Variants in SLC25A48 observed in about 807,000 individuals in gnomAD.
SLC25A48 encodes the protein solute carrier family 25 member 48, also known as CTC-321K16.1.
In SLC25A48, 29 loss-of-function variants were observed where a neutral mutation model predicts 32.2. The observed-to-expected ratio is 0.90, with a 90% CI of 0.67 to 1.23. The LOEUF is 1.23. SLC25A48 is among the 50% of genes most tolerant of loss of function. The probability of loss-of-function intolerance (pLI) is 0.00; values close to 1 mark genes in which losing one functional copy is unlikely to be tolerated. For missense variants in SLC25A48, 399 were observed against 422.7 expected, an observed-to-expected ratio of 0.94 and a Z score of 0.49; for synonymous variants, 164 against 172.3, an observed-to-expected ratio of 0.95 and a Z score of 0.38.
At chr5:135,673,847 T>A (rs115191716) in intron 3 of SLC25A48, among the ~76,000 whole-genome samples, 3,803 of 152,078 alleles carry the variant, frequency 0.025, 168 homozygotes, top group African/African-American at 0.084. Flanking sequence ...TCTTCTTACA[T>A]TTGGGTCTAT....
rs1349118719 is a variant in SLC25A48 at position 135,888,232 on chromosome 5, G to A, written c.*208G>A. The A allele has an allele frequency of 4.6e-6, 3 of 650,514 alleles. No individual in the cohort carries two copies. Among genetic ancestry groups the A allele is most frequent in the Non-Finnish European group, 5.2e-6 (2 of 384,420 alleles). 40.3% of individuals were successfully genotyped at this position (650,514 alleles called of 1,614,324 possible). On this transcript the variant is annotated 3_prime_UTR_variant, in exon 8 of 8. Transcript: ENST00000681962. ...ACTGATTCAAGCCCTCCAAGGTTCT[G>A]ATCCCCAATGCCCACTCTGCTAGGC... is the stretch of plus-strand genomic sequence containing the variant.
chr5:135,772,433 A>T (rs1462189580), intron 3 of SLC25A48, among the ~76,000 whole-genome samples: 4 of 151,658 alleles, frequency 2.6e-5, no homozygotes, highest in Non-Finnish European at 5.9e-5. Context: ...ATTACTCCCT[A>T]TATCGTTGTG....
At chr5:135,729,722 A>C (rs1755180126) in intron 3 of SLC25A48, among the ~76,000 whole-genome samples, 1 of 152,166 alleles carries the variant, frequency 6.6e-6, no homozygotes. Context: ...TTCCTCACTA[A>C]AAGTTACATG....
intron 3 of SLC25A48, among the ~76,000 whole-genome samples, chr5:135,658,185 A>T (rs1194946942): frequency 1.3e-5 from 2 of 152,234 alleles, no homozygotes; most frequent in Non-Finnish European, 2.9e-5. Flanking sequence ...TAAAATGAAA[A>T]ACAAGTTAAT....
At chr5:135,630,496 G>A (rs1277119357) in intron 2 of SLC25A48, among the ~76,000 whole-genome samples, 1 of 149,244 alleles carries the variant, frequency 6.7e-6, no homozygotes, top group Non-Finnish European at 1.5e-5. Context: ...GCCAATGGAT[G>A]GAAATTTAGA....
chr5:135,763,462 C>G (rs1756114766), intron 3 of SLC25A48, among the ~76,000 whole-genome samples: 1 of 152,114 alleles, frequency 6.6e-6, no homozygotes, highest in Non-Finnish European at 1.5e-5. Context: ...CCAGGAGCAG[C>G]TACACAGCCT....
chr5:135,687,448 G>A (rs1384587743), intron 3 of SLC25A48, among the ~76,000 whole-genome samples: 1 of 152,202 alleles, frequency 6.6e-6, no homozygotes, highest in Non-Finnish European at 1.5e-5. Flanking sequence ...TGAGATTTCT[G>A]TGTAACTGAG....
chr5:135,816,357 C>A (rs1757718822), intron 4 of SLC25A48, among the ~76,000 whole-genome samples: 1 of 152,124 alleles, frequency 6.6e-6, no homozygotes, highest in South Asian at 2.1e-4. Flanking sequence ...AACAGTTAAC[C>A]TGTGTGTCAT....
chr5:135,835,254 G>T (rs1580941888), intron 1 of SLC25A48: 1 of 499,804 alleles, frequency 2.0e-6, no homozygotes, highest in Non-Finnish European at 3.9e-6. Flanking sequence ...GACGTGGCTC[G>T]CGGGAACTTA....
intron 4 of SLC25A48, among the ~76,000 whole-genome samples, chr5:135,828,395 C>A (rs1203295900): frequency 1.3e-5 from 2 of 152,198 alleles, no homozygotes; most frequent in African/African-American, 4.8e-5. Context: ...GTGTTAAGTG[C>A]AGCTTGAGTG....
intron 3 of SLC25A48, among the ~76,000 whole-genome samples, chr5:135,698,498 C>T (rs1178111435): frequency 2.6e-5 from 4 of 152,108 alleles, no homozygotes; most frequent in Non-Finnish European, 4.4e-5. Context: ...TTGAGTGTTT[C>T]CTTATGGCTC....
At chr5:135,796,241 G>T (rs551139090) in intron 3 of SLC25A48, among the ~76,000 whole-genome samples, 1 of 151,060 alleles carries the variant, frequency 6.6e-6, no homozygotes, top group East Asian at 2.0e-4. Context: ...TCCATATCAC[G>T]GGGGGAGTAC....
At chr5:135,713,791 A>T (rs368499317) in intron 3 of SLC25A48, among the ~76,000 whole-genome samples, 1 of 152,332 alleles carries the variant, frequency 6.6e-6, no homozygotes, top group East Asian at 1.9e-4. Flanking sequence ...GGTGGGGCAG[A>T]GAATCCCATG....
At chr5:135,762,024 T>C (rs748674881) in intron 3 of SLC25A48, among the ~76,000 whole-genome samples, 1 of 152,200 alleles carries the variant, frequency 6.6e-6, no homozygotes. Context: ...AAGGAACGCA[T>C]TGGAGACTGT....
chr5:135,667,600 C>T (rs1461015960), intron 3 of SLC25A48, among the ~76,000 whole-genome samples: 1 of 152,176 alleles, frequency 6.6e-6, no homozygotes, highest in African/African-American at 2.4e-5. Flanking sequence ...TATAATTTGG[C>T]TTCGAGCTGA....
In SLC25A48 at chr5:135,758,503, A is replaced by G. The variant is rs148189812; in HGVS notation, c.-520-54020A>G. Among the ~76,000 whole-genome samples the G allele has an allele frequency of 2.3e-4, 34 of 151,020 alleles. No homozygotes were observed. The East Asian group carries it at 5.2e-3, about 23-fold the overall frequency. On this transcript the variant is annotated intron_variant, in intron 3 of 10. Coordinates refer to the SLC25A48 transcript ENST00000646290. ...CTATCTCTAGTGTTAACACACTATG[A>G]TATTAATAGAATATGATCTTTGTGA...
chr5:135,838,724 C>G (rs4317314), intron 1 of SLC25A48, among the ~76,000 whole-genome samples: 7,712 of 152,332 alleles, frequency 0.051, 433 homozygotes, highest in African/African-American at 0.14. Context: ...TGGCAGCTTA[C>G]ACATGGTGTT....
intron 3 of SLC25A48, among the ~76,000 whole-genome samples, chr5:135,786,137 C>A (rs1281358040): frequency 6.6e-6 from 1 of 150,732 alleles, no homozygotes; most frequent in African/African-American, 2.4e-5. Flanking sequence ...GTGGAACACC[C>A]CCCTTGCTCC....
At chr5:135,612,543 G>A (rs963888172) in intron 1 of SLC25A48, among the ~76,000 whole-genome samples, 4 of 151,982 alleles carry the variant, frequency 2.6e-5, no homozygotes, top group Non-Finnish European at 5.9e-5. Context: ...GCCCTGCCAC[G>A]TACACACCCT....
Sources: allele counts gnomAD v4.1 joint callset (sites outside exome capture counted in the v4.1 genomes callset), GRCh38; gene constraint gnomAD v4.1.1; transcripts MANE v1.5; gene names NCBI Gene and HGNC (gene_info 2026-07-23, HGNC 2026-07-21).